The following LRPPRC variants were observed in gnomAD, a reference collection of about 807,000 sequenced individuals.
LRPPRC encodes leucine rich pentatricopeptide repeat containing, also known as leucine-rich PPR motif-containing protein, mitochondrial.
LRPPRC carries 120 observed loss-of-function variants against 180.3 expected under a neutral mutation model. The ratio of observed to expected loss-of-function variants is 0.67; its 90% CI spans 0.57 to 0.77. The LOEUF (loss-of-function observed/expected upper bound fraction) is 0.77, where lower values mean the gene tolerates loss of function less well. Ranked by LOEUF, LRPPRC falls within the 30% of genes least tolerant of loss-of-function variation. The pLI, the probability that LRPPRC is intolerant of heterozygous loss-of-function variation, is 0.00. For missense variants in LRPPRC, 2,012 were observed against 1,657.2 expected, an observed-to-expected ratio of 1.21 and a Z score of -3.72; for synonymous variants, 723 against 600.0, an observed-to-expected ratio of 1.21 and a Z score of -3.00.
At chr2:43,901,924 T>C (rs1670904313) in intron 31 of LRPPRC, 1 of 172,958 alleles carries the variant, frequency 5.8e-6, no homozygotes. Context: ...GAAGATTAAA[T>C]GATCATCAAA....
chr2:43,914,146 T>C (rs1671358821), intron 29 of LRPPRC, among the ~76,000 whole-genome samples: 1 of 152,210 alleles, frequency 6.6e-6, no homozygotes, highest in Admixed American at 6.5e-5. Flanking sequence ...CTAACAATCG[T>C]ATATAGTATT....
At chr2:43,916,006 C>T (rs1671454075) in intron 29 of LRPPRC, among the ~76,000 whole-genome samples, 9 of 152,126 alleles carry the variant, frequency 5.9e-5, no homozygotes, top group Admixed American at 5.9e-4. Flanking sequence ...CTCAAGTGAT[C>T]TGCCCACCTT....
intron 12 of LRPPRC, among the ~76,000 whole-genome samples, chr2:43,962,974 T>C (rs199546287): frequency 6.6e-6 from 1 of 152,158 alleles, no homozygotes; most frequent in East Asian, 1.9e-4. Context: ...AATTTATAAA[T>C]GAAAATTGCA....
chr2:43,983,220 C>G (rs1366321336), intron 1 of LRPPRC, among the ~76,000 whole-genome samples: 1 of 152,070 alleles, frequency 6.6e-6, no homozygotes, highest in Non-Finnish European at 1.5e-5. Flanking sequence ...TTAAACCATT[C>G]ACTATTTTAG....
chr2:43,974,849 G>T, intron 7 of LRPPRC, 91 bp from the exon 8 acceptor site: 1 of 1,319,842 alleles, frequency 7.6e-7, no homozygotes, highest in Non-Finnish European at 1.1e-6. Context: ...CAAAAAACTA[G>T]GGAAAAATAC....
chr2:43,912,214 A>G (rs1397836200), intron 30 of LRPPRC, among the ~76,000 whole-genome samples: 1 of 152,240 alleles, frequency 6.6e-6, no homozygotes, highest in Admixed American at 6.5e-5. Flanking sequence ...ATAACTTAGT[A>G]AGCAAAATGT....
intron 15 of LRPPRC, among the ~76,000 whole-genome samples, chr2:43,950,305 G>A (rs188878884): frequency 6.6e-6 from 1 of 151,934 alleles, no homozygotes; most frequent in Non-Finnish European, 1.5e-5. Context: ...GTGGTCGGCT[G>A]CACAGATCAT....
chr2:43,962,669 TCTG>T (rs1369444699), intron 12 of LRPPRC, among the ~76,000 whole-genome samples: 1 of 152,150 alleles, frequency 6.6e-6, no homozygotes, highest in Non-Finnish European at 1.5e-5. Context: ...GCTTGCCTAC[TCTG>T]CTAAGGACCA....
At chr2:43,911,287 C>T (rs1035117923) in intron 30 of LRPPRC, among the ~76,000 whole-genome samples, 1 of 151,826 alleles carries the variant, frequency 6.6e-6, no homozygotes, top group African/African-American at 2.4e-5. Flanking sequence ...AGACAACACA[C>T]ATATACACAC....
intron 25 of LRPPRC, among the ~76,000 whole-genome samples, chr2:43,927,819 T>C (rs1312119802): frequency 6.6e-6 from 1 of 152,242 alleles, no homozygotes; most frequent in Non-Finnish European, 1.5e-5. Context: ...AATTGAGAAC[T>C]GTTTTCATAT....
At chr2:43,971,506 A>AAAAAAAAAAAG (rs1559036150) in intron 11 of LRPPRC, among the ~76,000 whole-genome samples, 53 of 145,704 alleles carry the variant, frequency 3.6e-4, no homozygotes, top group African/African-American at 1.3e-3. Flanking sequence ...AAAAAAAAAG[A>AAAAAAAAAAAG]AAAAAATATA....
chr2:43,975,287 A>C, intron 6 of LRPPRC, 70 bp from the exon 7 acceptor site: 1 of 1,321,996 alleles, frequency 7.6e-7, no homozygotes, highest in South Asian at 1.2e-5. Flanking sequence ...AAACTAAAAC[A>C]TATGCTTATT....
chr2:43,894,646 AG>A lies in LRPPRC; in HGVS notation c.3901-18del. On this transcript the variant is annotated intron_variant, in intron 35 of 37. Coordinates refer to ENST00000260665, the MANE Select transcript of LRPPRC (RefSeq NM_133259.4). ...AGTTGATGCCTAGGAAATTACATAA[AG>A]GTAATATTATGAAAACCGCAAATTA... 3 of 1,319,368 alleles carry A rather than the reference AG, an allele frequency of 2.3e-6. No individual in the cohort carries two copies. Among genetic ancestry groups the A allele is most frequent in the Non-Finnish European group, 3.3e-6 (3 of 911,244 alleles). 81.7% of individuals were successfully genotyped at this position (1,319,368 alleles called of 1,614,324 possible).
chr2:43,947,621 T>C, intron 19 of LRPPRC, 110 bp downstream of exon 19: 2 of 768,356 alleles, frequency 2.6e-6, no homozygotes, highest in South Asian at 1.5e-5. Context: ...CTTAGAGGTA[T>C]ACAAGATGAT....
At chr2:43,930,696 C>T (rs1232976701) in intron 25 of LRPPRC, among the ~76,000 whole-genome samples, 1 of 151,570 alleles carries the variant, frequency 6.6e-6, no homozygotes, top group African/African-American at 2.4e-5. Flanking sequence ...AAAAGTGGGT[C>T]AAATGTCATT....
At chr2:43,970,833 C>T (rs1673772089) in intron 11 of LRPPRC, among the ~76,000 whole-genome samples, 1 of 152,222 alleles carries the variant, frequency 6.6e-6, no homozygotes, top group South Asian at 2.1e-4. Flanking sequence ...AGAGTGGTGG[C>T]TCACGCCTAT....
chr2:43,964,567 G>A (rs989587939), intron 11 of LRPPRC, among the ~76,000 whole-genome samples: 22 of 151,798 alleles, frequency 1.4e-4, no homozygotes, highest in Admixed American at 1.1e-3. Context: ...CATTTCTTTC[G>A]AATTTGTTAC....
intron 22 of LRPPRC, 101 bp from the exon 23 acceptor site, chr2:43,943,995 G>A: frequency 1.2e-6 from 1 of 816,370 alleles, no homozygotes; most frequent in South Asian, 1.4e-5. Flanking sequence ...GTAAATTCTA[G>A]TGTATAATGC....
intron 14 of LRPPRC, among the ~76,000 whole-genome samples, chr2:43,953,062 C>A (rs376319098): frequency 6.6e-6 from 1 of 152,218 alleles, no homozygotes; most frequent in Non-Finnish European, 1.5e-5. Context: ...TTCCCCAGAA[C>A]CACTGTTCTC....
Sources: allele counts gnomAD v4.1 joint callset (sites outside exome capture counted in the v4.1 genomes callset), GRCh38; gene constraint gnomAD v4.1.1; transcripts MANE v1.5; gene names NCBI Gene and HGNC (gene_info 2026-07-23, HGNC 2026-07-21).